Variants in TSGA10 observed in about 807,000 individuals in gnomAD.
The protein encoded by TSGA10 is testis specific 10.
In TSGA10, 43 loss-of-function variants were observed where a neutral mutation model predicts 96.6. That is an observed-to-expected ratio of 0.44 (90% CI 0.35 to 0.57). TSGA10 has a LOEUF of 0.57. Among genes scored for constraint, TSGA10 ranks in the 20% least tolerant of loss-of-function variants. TSGA10 has a pLI of 0.01. For synonymous variants in TSGA10, 229 were observed against 269.9 expected, an observed-to-expected ratio of 0.85 and a Z score of 1.48; for missense variants, 703 against 834.4, an observed-to-expected ratio of 0.84 and a Z score of 1.94.
intron 10 of TSGA10, among the ~76,000 whole-genome samples, chr2:99,087,655 T>C (rs2088714775): frequency 6.6e-6 from 1 of 152,066 alleles, no homozygotes; most frequent in African/African-American, 2.4e-5. Context: ...ACCACTACTG[T>C]CCAGCCTGAG....
Position 99,081,313 on chromosome 2 carries a change from C to A in TSGA10, c.696G>T (p.Gln232His). 6.3e-7 allele frequency: 1 copy of A among 1,584,330 alleles called. No individual in the cohort carries two copies. The highest frequency in any genetic ancestry group is 8.6e-7 in the Non-Finnish European group (1 of 1,166,768). The change falls in exon 11 of 21, where the codon CAG becomes CAT. Residue 232 changes from glutamine to histidine, a missense_variant. Physicochemically the swap from Gln to His is conservative, Grantham distance 24. Transcript: ENST00000393483. ...AKKKYELQLTQEKIMCLDEKI... is the reference protein window; with the variant it reads ...AKKKYELQLTHEKIMCLDEKI... Reference sequence around the variant, plus strand: ...TTTCATCCAAGCACATAATTTTCTCCTGAGTAAGCTGTAGCTCATATTTTT... The same window carrying A: ...TTTCATCCAAGCACATAATTTTCTCATGAGTAAGCTGTAGCTCATATTTTT...
intron 1 of TSGA10, among the ~76,000 whole-genome samples, chr2:99,137,903 A>G (rs76694237): frequency 7.1e-6 from 1 of 141,474 alleles, no homozygotes; most frequent in Non-Finnish European, 1.6e-5. Flanking sequence ...AAAAAAAAAA[A>G]GGCACAGCCA....
At chr2:99,108,696 T>A in intron 7 of TSGA10, 137 bp downstream of exon 7, 1 of 601,142 alleles carries the variant, frequency 1.7e-6, no homozygotes, top group East Asian at 3.1e-5. Flanking sequence ...TAAGAATATC[T>A]TAAAAACATA....
chr2:99,147,519 C>G, intron 1 of TSGA10: 1 of 1,606,872 alleles, frequency 6.2e-7, no homozygotes, highest in Non-Finnish European at 8.5e-7. Context: ...CCAAGTCTAC[C>G]CTATTATACT....
chr2:99,022,347 A>C (rs988397637), intron 17 of TSGA10, among the ~76,000 whole-genome samples: 5 of 151,134 alleles, frequency 3.3e-5, no homozygotes, highest in Admixed American at 1.3e-4. Context: ...AAAAAAAAAA[A>C]AAAAACACCC....
At chr2:99,017,004 A>G (rs2079565760) in intron 20 of TSGA10, among the ~76,000 whole-genome samples, 1 of 152,170 alleles carries the variant, frequency 6.6e-6, no homozygotes, top group African/African-American at 2.4e-5. Flanking sequence ...AAAAGCATAG[A>G]TGTTGGCATA....
chr2:99,023,754 T>C (rs1263453265), intron 17 of TSGA10, among the ~76,000 whole-genome samples: 1 of 152,256 alleles, frequency 6.6e-6, no homozygotes, highest in Admixed American at 6.5e-5. Context: ...TCAACCTCTA[T>C]GTCTTTCCTT....
intron 10 of TSGA10, among the ~76,000 whole-genome samples, chr2:99,101,027 G>T (rs377084839): frequency 8.0e-5 from 12 of 150,226 alleles, no homozygotes; most frequent in South Asian, 4.2e-4. Context: ...ACTTTGGAAG[G>T]CCAAGGTGGG....
At chr2:99,138,280 T>C (rs1012133799) in intron 1 of TSGA10, among the ~76,000 whole-genome samples, 2 of 152,174 alleles carry the variant, frequency 1.3e-5, no homozygotes, top group Non-Finnish European at 2.9e-5. Flanking sequence ...TTACCTAAAG[T>C]AGCCTCTCTC....
intron 12 of TSGA10, among the ~76,000 whole-genome samples, chr2:99,074,935 G>A (rs2086506328): frequency 6.6e-6 from 1 of 151,312 alleles, no homozygotes; most frequent in Admixed American, 6.6e-5. Flanking sequence ...TCCAACCTGG[G>A]TGACAGAGAC....
At chr2:99,123,397 T>C (rs1433932195) in intron 2 of TSGA10, among the ~76,000 whole-genome samples, 1 of 152,198 alleles carries the variant, frequency 6.6e-6, no homozygotes, top group Non-Finnish European at 1.5e-5. Context: ...CCATCTATTT[T>C]CTCTCTGATG....
intron 11 of TSGA10, among the ~76,000 whole-genome samples, chr2:99,079,140 A>C (rs2087116963): frequency 6.6e-6 from 1 of 152,218 alleles, no homozygotes; most frequent in Non-Finnish European, 1.5e-5. Context: ...GTGGAATATC[A>C]AAACAATCTG....
At chr2:99,124,093 C>T (rs1194195683) in intron 2 of TSGA10, among the ~76,000 whole-genome samples, 3 of 152,206 alleles carry the variant, frequency 2.0e-5, no homozygotes, top group African/African-American at 4.8e-5. Flanking sequence ...ACATTCCCAT[C>T]GGCAATGCAA....
chr2:99,040,953 T>A (rs2082129722), intron 16 of TSGA10, among the ~76,000 whole-genome samples: 1 of 152,272 alleles, frequency 6.6e-6, no homozygotes, highest in Non-Finnish European at 1.5e-5. Context: ...TTAGTTGCTT[T>A]GGCTTACTCA....
intron 16 of TSGA10, among the ~76,000 whole-genome samples, chr2:99,048,987 C>A (rs1291972993): frequency 6.6e-6 from 1 of 152,186 alleles, no homozygotes; most frequent in Non-Finnish European, 1.5e-5. Context: ...AAAAGCTCAT[C>A]ATCACTGGTC....
chr2:99,053,274 G>A (rs549129965), intron 16 of TSGA10, among the ~76,000 whole-genome samples: 61 of 150,860 alleles, frequency 4.0e-4, no homozygotes, highest in South Asian at 1.0e-3. Context: ...TGATACCAGA[G>A]CAAGACAATG....
rs143944517 is a variant in TSGA10 at position 98,998,103 on chromosome 2, G to A, written c.*94C>T. On this transcript the variant is annotated 3_prime_UTR_variant, in exon 21 of 21. Transcript: ENST00000393483. Reference sequence around the variant, plus strand: ...TAATAAATACATTTAACATTGCCAAGCATTTAAAAGATAAATGCACTCATG... The same window carrying A: ...TAATAAATACATTTAACATTGCCAAACATTTAAAAGATAAATGCACTCATG... The A allele has an allele frequency of 0.013, 13,043 of 1,021,542 alleles. 104 individuals carry two copies. Among genetic ancestry groups the A allele is most frequent in the Middle Eastern group, 0.016 (73 of 4,446 alleles). The allele number at this position is 1,021,542 out of a possible 1,614,324, so 63.3% of individuals were successfully genotyped here.
At chr2:99,042,034 C>T (rs895191279) in intron 16 of TSGA10, among the ~76,000 whole-genome samples, 5 of 142,086 alleles carry the variant, frequency 3.5e-5, no homozygotes, top group Admixed American at 7.5e-5. Context: ...ACAATTGCCC[C>T]CCCACATTTT....
At chr2:99,009,334 T>C (rs1465145726) in intron 20 of TSGA10, among the ~76,000 whole-genome samples, 1 of 152,084 alleles carries the variant, frequency 6.6e-6, no homozygotes, top group Non-Finnish European at 1.5e-5. Flanking sequence ...AAACAGATTC[T>C]GAGCTTTTAA....
Sources: gnomAD v4.1 joint callset for allele counts (sites outside exome capture counted in the v4.1 genomes callset) on GRCh38, gnomAD v4.1.1 for gene constraint, MANE v1.5 for transcripts, NCBI Gene and HGNC (gene_info 2026-07-23, HGNC 2026-07-21) for gene names.